The following ABCC4 variants were observed in gnomAD, a reference collection of about 807,000 sequenced individuals.
ABCC4 encodes the protein ATP binding cassette subfamily C member 4 (PEL blood group), also known as ATP-binding cassette sub-family C member 4.
In ABCC4, 102 loss-of-function variants were observed where a neutral mutation model predicts 168.5. The ratio of observed to expected loss-of-function variants is 0.61; its 90% CI spans 0.52 to 0.71. The LOEUF (loss-of-function observed/expected upper bound fraction) is 0.71. Ranked by LOEUF, ABCC4 falls within the 30% of genes least tolerant of loss-of-function variation. The pLI is 0.00. For missense variants in ABCC4, 1,402 were observed against 1,605.8 expected, an observed-to-expected ratio of 0.87 and a Z score of 2.17; for synonymous variants, 617 against 590.7, an observed-to-expected ratio of 1.04 and a Z score of -0.65.
chr13:95,279,579 T>C (rs1371545976), intron 1 of ABCC4, among the ~76,000 whole-genome samples: 1 of 152,162 alleles, frequency 6.6e-6, no homozygotes, highest in Non-Finnish European at 1.5e-5. Context: ...CAGTACCTCT[T>C]ATTCCAGAGA....
Position 95,193,149 on chromosome 13 carries a change from G to A in ABCC4, c.1263+1687C>T, listed in dbSNP as rs192339365. Among the ~76,000 whole-genome samples the A allele has an allele frequency of 3.8e-3, 485 of 126,692 alleles. 1 individual carries two copies. The highest frequency in any genetic ancestry group is 0.012 in the African/African-American group (458 of 39,824). The allele number at this position is 126,692 out of a possible 152,430, so 83.1% of individuals were successfully genotyped here. On this transcript the variant is annotated intron_variant, in intron 9 of 30. Transcript: ENST00000645237. ...CCAAGGGCATGTAGAGAAAGGAAGA[G>A]TCTGGAGTCTAGAGAGTTTTGACAT...
intron 20 of ABCC4, among the ~76,000 whole-genome samples, chr13:95,090,367 A>AC (rs1209954587): frequency 6.6e-6 from 1 of 151,910 alleles, no homozygotes; most frequent in Non-Finnish European, 1.5e-5. Flanking sequence ...GGTCCATTGC[A>AC]CCCCCCGACC....
intron 8 of ABCC4, among the ~76,000 whole-genome samples, chr13:95,204,348 T>G (rs2038720170): frequency 6.6e-6 from 1 of 152,196 alleles, no homozygotes; most frequent in Admixed American, 6.5e-5. Flanking sequence ...AGTTTGGCTC[T>G]GTGTCCCCAC....
intron 9 of ABCC4, among the ~76,000 whole-genome samples, chr13:95,190,065 G>A (rs1016558191): frequency 4.6e-5 from 7 of 152,058 alleles, no homozygotes; most frequent in Admixed American, 1.3e-4. Flanking sequence ...GTTTTAGGCA[G>A]GGTACGGACT....
At chr13:95,059,833 C>T (rs116308063) in intron 26 of ABCC4, among the ~76,000 whole-genome samples, 3,870 of 152,278 alleles carry the variant, frequency 0.025, 164 homozygotes, top group African/African-American at 0.089. Context: ...GAGCATTCCT[C>T]AGAACCCAGA....
intron 19 of ABCC4, among the ~76,000 whole-genome samples, chr13:95,121,160 A>G (rs750199392): frequency 1.3e-5 from 2 of 152,128 alleles, no homozygotes; most frequent in Non-Finnish European, 2.9e-5. Flanking sequence ...TAGCAACAGG[A>G]CTCAACAATA....
chr13:95,221,245 T>C (rs550030693), intron 4 of ABCC4, among the ~76,000 whole-genome samples: 27 of 152,270 alleles, frequency 1.8e-4, no homozygotes, highest in Middle Eastern at 3.4e-3. Context: ...AGATATTTTT[T>C]TGAGACAGGG....
chr13:95,262,944 C>T (rs1379861571), intron 1 of ABCC4, among the ~76,000 whole-genome samples: 1 of 152,036 alleles, frequency 6.6e-6, no homozygotes, highest in Non-Finnish European at 1.5e-5. Context: ...TGACACTCTG[C>T]CTTCTTATTC....
rs2040056414 is a variant in ABCC4, at chr13:95,244,660, A to AT, written c.306+2314_306+2315insA. On this transcript the variant is annotated intron_variant, in intron 3 of 30. Transcript: ENST00000645237. ...AAGAAAGAAAGAAAGAAAGAAAGAA[A>AT]GAAAGAAAGAAATCATAGCAGTTCC... Among the ~76,000 whole-genome samples, 2 of 65,446 alleles carry AT rather than the reference A, an allele frequency of 3.1e-5. 1 individual carries two copies. Among genetic ancestry groups the AT allele is most frequent in the Non-Finnish European group, 7.1e-5 (2 of 28,086 alleles). 42.9% of individuals were successfully genotyped at this position (65,446 alleles called of 152,430 possible).
At chr13:95,261,636 A>G (rs1490440502) in intron 1 of ABCC4, among the ~76,000 whole-genome samples, 1 of 152,192 alleles carries the variant, frequency 6.6e-6, no homozygotes, top group Admixed American at 6.5e-5. Flanking sequence ...AAAACACAAA[A>G]AAAAGTAATA....
chr13:95,170,058 G>A (rs759033022), intron 14 of ABCC4, among the ~76,000 whole-genome samples: 3 of 152,008 alleles, frequency 2.0e-5, no homozygotes, highest in Admixed American at 6.6e-5. Flanking sequence ...GGGTTTCACC[G>A]TGTTAGACAG....
At chr13:95,155,818 A>C (rs1181178465) in intron 19 of ABCC4, among the ~76,000 whole-genome samples, 1 of 152,210 alleles carries the variant, frequency 6.6e-6, no homozygotes, top group African/African-American at 2.4e-5. Context: ...TCTGGCACCC[A>C]TTAGAGTCAG....
intron 4 of ABCC4, among the ~76,000 whole-genome samples, chr13:95,221,252 A>T (rs9590205): frequency 0.11 from 16,885 of 152,108 alleles, 1,346 homozygotes; most frequent in African/African-American, 0.22. Context: ...TTTTTGAGAC[A>T]GGGTCTCACT....
chr13:95,021,347 T>A lies in ABCC4; in HGVS notation c.*228A>T, dbSNP rs866815538. On this transcript the variant is annotated 3_prime_UTR_variant, in exon 31 of 31. Transcript: ENST00000645237. ...GATAGACGGCATTTAACTGGTGGCC[T>A]GCACCTCTGATTTGGATTTTAAAAA... is the stretch of plus-strand genomic sequence containing the variant. 1 of 454,222 alleles carries A rather than the reference T, an allele frequency of 2.2e-6. No individual in the cohort carries two copies. Among genetic ancestry groups the A allele is most frequent in the Admixed American group, 3.9e-5 (1 of 25,606 alleles). 28.1% of individuals were successfully genotyped at this position (454,222 alleles called of 1,614,324 possible).
In ABCC4 at chr13:95,301,377, C is replaced by T. The variant is rs1471998629; in HGVS notation, c.-63G>A. Reference sequence around the variant, plus strand: ...GATCAGGCGGCGGTGGCCGCGGGCTCCGCTCCTGGACCTCAAGCAGGGATG... The same window carrying T: ...GATCAGGCGGCGGTGGCCGCGGGCTTCGCTCCTGGACCTCAAGCAGGGATG... On this transcript the variant is annotated 5_prime_UTR_variant, in exon 1 of 31. Coordinates refer to ENST00000645237, the MANE Select transcript of ABCC4 (RefSeq NM_005845.5). 4.8e-6 allele frequency: 7 copies of T among 1,451,528 alleles called. No individual in the cohort carries two copies. The highest frequency in any genetic ancestry group is 2.9e-5 in the African/African-American group (2 of 68,456). The allele number at this position is 1,451,528 out of a possible 1,614,324, so 89.9% of individuals were successfully genotyped here.
Position 95,021,801 on chromosome 13 carries a change from G to A in ABCC4, c.3871-119C>T. 3 of 694,530 alleles carry A rather than the reference G, an allele frequency of 4.3e-6. No homozygotes were observed. In the South Asian group the frequency reaches 5.7e-5, roughly 13 times the overall value. 43.0% of individuals were successfully genotyped at this position (694,530 alleles called of 1,614,324 possible). ...GAAGCAAATCATATCCCTCACTGAG[G>A]CACAATTTAAGAACAGGGATGAATC... On this transcript the variant is annotated intron_variant, in intron 30 of 30. Transcript: ENST00000645237.
chr13:95,029,797 A>C (rs1163341746), intron 30 of ABCC4, among the ~76,000 whole-genome samples: 3 of 152,128 alleles, frequency 2.0e-5, no homozygotes, highest in African/African-American at 7.2e-5. Flanking sequence ...AACATACACT[A>C]TCTCATTTAA....
At chr13:95,025,101 T>C (rs2031331976) in intron 30 of ABCC4, among the ~76,000 whole-genome samples, 1 of 151,450 alleles carries the variant, frequency 6.6e-6, no homozygotes, top group African/African-American at 2.4e-5. Context: ...AGAAGACAGA[T>C]TGCAATTGCC....
At chr13:95,084,753 A>C (rs2034202784) in intron 20 of ABCC4, among the ~76,000 whole-genome samples, 2 of 152,256 alleles carry the variant, frequency 1.3e-5, no homozygotes, top group South Asian at 4.1e-4. Context: ...ATGTATGAGC[A>C]CGTGCAAGGC....
Sources: allele counts gnomAD v4.1 joint callset (sites outside exome capture counted in the v4.1 genomes callset), GRCh38; gene constraint gnomAD v4.1.1; transcripts MANE v1.5; gene names NCBI Gene and HGNC (gene_info 2026-07-23, HGNC 2026-07-21).